The following BST1 variants were observed in gnomAD, a reference collection of about 807,000 sequenced individuals.
BST1 encodes the protein ADP-ribosyl cyclase/cyclic ADP-ribose hydrolase 2.
Under a neutral mutation model 40.6 loss-of-function variants are expected in BST1, and 49 were observed. The ratio of observed to expected loss-of-function variants is 1.21; its 90% CI spans 0.96 to 1.53. The LOEUF is 1.53. BST1 is among the 40% of genes most tolerant of loss of function. The pLI, the probability that BST1 is intolerant of heterozygous loss-of-function variation, is 0.00. For synonymous variants in BST1, 157 were observed against 159.3 expected (o/e 0.99, Z 0.11); for missense variants, 423 against 395.9 (o/e 1.07, Z -0.58).
chr4:15,740,246 C>T (rs564320387), downstream of BST1, among the ~76,000 whole-genome samples: 7 of 152,244 alleles, frequency 4.6e-5, no homozygotes, highest in African/African-American at 9.6e-5. Flanking sequence ...TTGCTAGAGA[C>T]GGGGTTTTGC....
At chr4:15,737,834 C>T in exon 7 of BST1, 1 of 1,285,034 alleles carries the variant, frequency 7.8e-7, no homozygotes, top group Non-Finnish European at 1.0e-6. Flanking sequence ...TCAGAGAGTC[C>T]AAAGATGTAA....
chr4:15,743,860 C>A, the BST1 span, among the ~76,000 whole-genome samples: 1 of 152,202 alleles, frequency 6.6e-6, no homozygotes, highest in East Asian at 1.9e-4. Context: ...TCTGTCTGAG[C>A]CTTCCATTAG....
the BST1 span, among the ~76,000 whole-genome samples, chr4:15,762,082 G>C: frequency 3.3e-5 from 5 of 150,500 alleles, no homozygotes; most frequent in East Asian, 7.8e-4. Context: ...CCAGCTACTC[G>C]GGAGGCTGAG....
the BST1 span, among the ~76,000 whole-genome samples, chr4:15,757,498 C>T: frequency 2.0e-5 from 3 of 151,492 alleles, no homozygotes; most frequent in Non-Finnish European, 4.4e-5. Flanking sequence ...CAAAAGCACA[C>T]CCCCACCCCG....
In BST1 at chr4:15,705,531, G is replaced by A. The variant is rs1395390216; in HGVS notation, c.205G>A (p.Ala69Thr). 3 of 1,593,682 alleles carry A rather than the reference G, an allele frequency of 1.9e-6. No homozygotes were observed. The highest frequency in any genetic ancestry group is 2.2e-5 in the East Asian group (1 of 44,764). ...SPEQRNKNCT[A>T]IWEAFKVALD... ...TTTGCACAGGAACAAGAACTGCACA[G>A]CCATCTGGGAAGCCTTTAAAGTGGC... Residue 69 changes from alanine (A) to threonine (T), a missense_variant, in exon 2 of 9, where the codon GCC becomes ACC. Ala to Thr is a moderately conservative substitution (Grantham distance 58, BLOSUM62 0). Coordinates refer to ENST00000265016, the MANE Select transcript of BST1 (RefSeq NM_004334.3).
chr4:15,770,260 C>A, the BST1 span, among the ~76,000 whole-genome samples: 1 of 152,266 alleles, frequency 6.6e-6, no homozygotes, highest in East Asian at 1.9e-4. Context: ...AGCTGTGTGG[C>A]CTGGAGATAG....
the BST1 span, among the ~76,000 whole-genome samples, chr4:15,746,900 G>T: frequency 6.6e-6 from 1 of 152,160 alleles, no homozygotes; most frequent in East Asian, 1.9e-4. Context: ...AACTGAGGGG[G>T]CCCATGATTG....
chr4:15,717,614 C>G (rs1373695366), intron 6 of BST1, among the ~76,000 whole-genome samples: 1 of 152,148 alleles, frequency 6.6e-6, no homozygotes, highest in Non-Finnish European at 1.5e-5. Flanking sequence ...GCTAGAAAAC[C>G]TACTTTCATG....
chr4:15,764,977 C>A, the BST1 span, among the ~76,000 whole-genome samples: 13 of 151,756 alleles, frequency 8.6e-5, no homozygotes, highest in Non-Finnish European at 1.5e-4. Flanking sequence ...CCACCACCAA[C>A]CAGCTAGGTA....
At chr4:15,715,858 T>C in intron 6 of BST1, 59 bp downstream of exon 6, 6 of 1,255,358 alleles carry the variant, frequency 4.8e-6, no homozygotes, top group South Asian at 4.6e-5. Flanking sequence ...TTGTATATAA[T>C]ATGATAAAGT....
chr4:15,747,182 AACATTTG>A, the BST1 span, among the ~76,000 whole-genome samples: 1 of 152,174 alleles, frequency 6.6e-6, no homozygotes, highest in East Asian at 1.9e-4. Flanking sequence ...TGACATCATC[AACATTTG>A]GCTCTCTTGC....
At chr4:15,732,999 C>G (rs934649032), downstream of BST1, among the ~76,000 whole-genome samples, 1 of 152,108 alleles carries the variant, frequency 6.6e-6, no homozygotes, top group African/African-American at 2.4e-5. Flanking sequence ...CGGACCTTCG[C>G]GGCAAGTGTT....
At position 15,731,776 on chromosome 4, in the gene BST1, T is replaced by G; in HGVS notation, c.888T>G (p.Leu296=). The G allele has an allele frequency of 6.2e-7, 1 of 1,613,734 alleles. No homozygotes were observed. Among genetic ancestry groups the G allele is most frequent in the Non-Finnish European group, 8.5e-7 (1 of 1,179,860 alleles). The change falls in exon 9 of 9, where the codon CTT becomes CTG. Residue 296 remains leucine, a synonymous_variant. Coordinates refer to ENST00000265016, the MANE Select transcript of BST1 (RefSeq NM_004334.3). The part of the protein sequence containing the change: ...AAATQRKAPS[L]YTEQRAGLII... ...CTACTCAAAGAAAAGCCCCAAGTCT[T>G]TATACAGAACAAAGGGCGGGTCTTA... is the stretch of plus-strand genomic sequence containing the variant.
intron 8 of BST1, chr4:15,731,295 C>T: frequency 2.0e-6 from 1 of 508,988 alleles, no homozygotes. Context: ...ACTCTGAGGC[C>T]AAAAATGCAT....
downstream of BST1, among the ~76,000 whole-genome samples, chr4:15,742,429 T>C (rs577647151): frequency 5.3e-5 from 8 of 152,268 alleles, no homozygotes; most frequent in South Asian, 1.5e-3. Flanking sequence ...TGGCTCCCCT[T>C]CCACTTCCAC....
chr4:15,719,515 T>TA (rs1720693578), intron 7 of BST1, among the ~76,000 whole-genome samples: 2 of 151,278 alleles, frequency 1.3e-5, no homozygotes, highest in Admixed American at 6.6e-5. Flanking sequence ...CATTTTTTTT[T>TA]TAAAAAACTT....
chr4:15,751,911 T>G, the BST1 span, among the ~76,000 whole-genome samples: 1 of 152,206 alleles, frequency 6.6e-6, no homozygotes, highest in Non-Finnish European at 1.5e-5. Flanking sequence ...TAACAATTTA[T>G]TTCTTGCAAC....
At chr4:15,768,880 C>A in the BST1 span, among the ~76,000 whole-genome samples, 2 of 152,130 alleles carry the variant, frequency 1.3e-5, no homozygotes, top group Admixed American at 6.6e-5. Flanking sequence ...GACCCGTACC[C>A]AAGAGCATGT....
the BST1 span, among the ~76,000 whole-genome samples, chr4:15,763,789 G>A: frequency 6.6e-6 from 1 of 151,986 alleles, no homozygotes; most frequent in African/African-American, 2.4e-5. Flanking sequence ...AACCTTAAAT[G>A]CATATTGCTA....
Sources: gnomAD v4.1 joint callset for allele counts (sites outside exome capture counted in the v4.1 genomes callset) on GRCh38, gnomAD v4.1.1 for gene constraint, MANE v1.5 for transcripts, NCBI Gene and HGNC (gene_info 2026-07-23, HGNC 2026-07-21) for gene names.